The following TULP4 variants were observed in gnomAD, a reference collection of about 807,000 sequenced individuals.
TULP4 encodes the protein TUB like protein 4.
Under a neutral mutation model 129.0 loss-of-function variants are expected in TULP4, and 16 were observed. That is an observed-to-expected ratio of 0.12 (90% CI 0.08 to 0.19). TULP4 has a LOEUF of 0.19. Among genes scored for constraint, TULP4 ranks in the 10% least tolerant of loss-of-function variants. TULP4 has a pLI of 1.00. For missense variants in TULP4, 1,842 were observed against 2,059.1 expected (o/e 0.89, Z 2.04); for synonymous variants, 998 against 854.0 (o/e 1.17, Z -2.94).
intron 1 of TULP4, among the ~76,000 whole-genome samples, chr6:158,380,713 G>A (rs1217409720): frequency 6.6e-6 from 1 of 151,536 alleles, no homozygotes; most frequent in Non-Finnish European, 1.5e-5. Flanking sequence ...GGCCAACACG[G>A]TGAAACCCTG....
At chr6:158,458,799 C>T (rs184350124) in intron 5 of TULP4, among the ~76,000 whole-genome samples, 1 of 152,214 alleles carries the variant, frequency 6.6e-6, no homozygotes, top group Admixed American at 6.5e-5. Context: ...TAAACTCTTG[C>T]CCTAGGAATT....
At chr6:158,338,755 G>C (rs1215481809) in intron 1 of TULP4, among the ~76,000 whole-genome samples, 1 of 152,230 alleles carries the variant, frequency 6.6e-6, no homozygotes, top group Admixed American at 6.5e-5. Context: ...GAGGGACCAG[G>C]TGGGATTGGT....
chr6:158,425,406 G>A (rs1479901034), intron 2 of TULP4, among the ~76,000 whole-genome samples: 3 of 150,700 alleles, frequency 2.0e-5, no homozygotes, highest in Non-Finnish European at 4.4e-5. Context: ...CCAGCTACTC[G>A]GGAGGCTGCA....
chr6:158,370,352 G>T (rs1777043751), intron 1 of TULP4, among the ~76,000 whole-genome samples: 1 of 150,792 alleles, frequency 6.6e-6, no homozygotes, highest in South Asian at 2.1e-4. Context: ...AGCTACTCAG[G>T]AGGCCGAGGC....
intron 3 of TULP4, among the ~76,000 whole-genome samples, chr6:158,438,739 C>A (rs562852453): frequency 2.6e-5 from 4 of 152,076 alleles, no homozygotes; most frequent in Non-Finnish European, 5.9e-5. Flanking sequence ...CACGCACCAC[C>A]ATACCTGGCT....
chr6:158,371,524 G>C (rs981942507), intron 1 of TULP4, among the ~76,000 whole-genome samples: 1 of 152,146 alleles, frequency 6.6e-6, no homozygotes, highest in Non-Finnish European at 1.5e-5. Context: ...ACTGCCTGTC[G>C]TATGGAAAGC....
At chr6:158,504,394 TG>T (rs1780549362) in intron 13 of TULP4, among the ~76,000 whole-genome samples, 1 of 151,934 alleles carries the variant, frequency 6.6e-6, no homozygotes, top group Admixed American at 6.6e-5. Context: ...TGGCCCAGGC[TG>T]GAGTGCAGTG....
intron 3 of TULP4, among the ~76,000 whole-genome samples, chr6:158,440,409 G>A (rs530579916): frequency 6.6e-6 from 1 of 152,136 alleles, no homozygotes; most frequent in East Asian, 1.9e-4. Context: ...CTGGTGACTG[G>A]TGAGTGTGCT....
chr6:158,471,934 A>G (rs989383620), intron 6 of TULP4, among the ~76,000 whole-genome samples: 1 of 152,172 alleles, frequency 6.6e-6, no homozygotes, highest in African/African-American at 2.4e-5. Context: ...TGATTAGAAT[A>G]TTTGTGAATT....
rs140319361 is a variant in TULP4, at chr6:158,363,127, T to C, written c.252+48859T>C. The stretch of plus-strand genomic sequence containing the variant: ...AGGGCCAGGGAGTATTGTCCAGCTA[T>C]TCACTGTTTAGAGCTAATACTTCCT... On this transcript the variant is annotated intron_variant, in intron 1 of 13. Transcript: ENST00000367097. 2.7e-3 allele frequency among the ~76,000 whole-genome samples: 407 copies of C among 151,636 alleles called. 2 individuals are homozygous for C. Among genetic ancestry groups the C allele is most frequent in the African/African-American group, 8.6e-3 (356 of 41,302 alleles).
intron 1 of TULP4, among the ~76,000 whole-genome samples, chr6:158,326,357 CATCT>C (rs1437295842): frequency 6.6e-6 from 1 of 152,170 alleles, no homozygotes; most frequent in Non-Finnish European, 1.5e-5. Context: ...TGAACACCTC[CATCT>C]GAGAGTCCTT....
rs1291146012 is a variant in TULP4 at position 158,503,775 on chromosome 6, T to C, written c.4112T>C (p.Leu1371Pro). 1 of 1,614,050 alleles carries C rather than the reference T, an allele frequency of 6.2e-7. No individual in the cohort carries two copies. The highest frequency in any genetic ancestry group is 1.7e-5 in the Admixed American group (1 of 60,022). ...AGGACTTTGAGTGACTTTAATTCCCTAATCTCCAGCCCACACCTGGGGAGA... is the reference window on the plus strand; with the variant it reads ...AGGACTTTGAGTGACTTTAATTCCCCAATCTCCAGCCCACACCTGGGGAGA... ...EARTLSDFNS[L>P]ISSPHLGREK... Residue 1371 changes from leucine (L) to proline (P), a missense_variant, in exon 13 of 14, where the codon CTA becomes CCA. Leu to Pro is a moderately conservative substitution (Grantham distance 98). Coordinates refer to ENST00000367097, the MANE Select transcript of TULP4 (RefSeq NM_020245.5). The surrounding 1 kb of genome is among the most constrained non-coding windows in gnomAD (Gnocchi z 4.3).
chr6:158,241,930 G>A, intron 1 of TULP4: 1 of 810,176 alleles, frequency 1.2e-6, no homozygotes, highest in Non-Finnish European at 2.2e-6. Flanking sequence ...TTGTTTCTTG[G>A]AAAGCTTAAA....
At chr6:158,273,032 C>T (rs1250747193) in intron 1 of TULP4, among the ~76,000 whole-genome samples, 6 of 152,168 alleles carry the variant, frequency 3.9e-5, no homozygotes, top group Non-Finnish European at 7.3e-5. Flanking sequence ...GAGGGACCTA[C>T]CCGACACTTC....
intron 1 of TULP4, among the ~76,000 whole-genome samples, chr6:158,395,138 A>G (rs534947627): frequency 1.3e-5 from 2 of 152,308 alleles, no homozygotes; most frequent in African/African-American, 4.8e-5. Context: ...ACACAAATCC[A>G]AATCATATCA....
intron 1 of TULP4, among the ~76,000 whole-genome samples, chr6:158,349,556 A>G (rs1334100684): frequency 3.7e-4 from 21 of 56,416 alleles, no homozygotes; most frequent in South Asian, 7.5e-4. Context: ...ATCCCAGACG[A>G]TGGGTGGCCG....
chr6:158,338,750 A>C (rs540337156), intron 1 of TULP4, among the ~76,000 whole-genome samples: 1 of 152,342 alleles, frequency 6.6e-6, no homozygotes, highest in South Asian at 2.1e-4. Context: ...CCAGAGAGGG[A>C]CCAGGTGGGA....
intron 6 of TULP4, among the ~76,000 whole-genome samples, chr6:158,464,745 A>T (rs1174191599): frequency 6.6e-6 from 1 of 152,198 alleles, no homozygotes; most frequent in African/African-American, 2.4e-5. Flanking sequence ...AGCAGGCTTC[A>T]GGGTGAATAA....
intron 1 of TULP4, among the ~76,000 whole-genome samples, chr6:158,354,887 C>CA (rs1453196414): frequency 0.52 from 55,875 of 107,046 alleles, 13,156 homozygotes; most frequent in South Asian, 0.62. Flanking sequence ...GACCCCATCT[C>CA]AAAAAAAAAA....
Sources: gnomAD v4.1 joint callset for allele counts (sites outside exome capture counted in the v4.1 genomes callset) on GRCh38, gnomAD v4.1.1 for gene constraint, Gnocchi (gnomAD v3.1) non-coding constraint, MANE v1.5 for transcripts, NCBI Gene and HGNC (gene_info 2026-07-23, HGNC 2026-07-21) for gene names.